ZMYND8: variants seen among roughly 807,000 people sequenced by gnomAD.
ZMYND8 encodes the protein MYND-type zinc finger-containing chromatin reader ZMYND8.
A neutral mutation model predicts 140.8 loss-of-function variants in ZMYND8; 37 were observed. That is an observed-to-expected ratio of 0.26 (90% CI 0.20 to 0.35). The LOEUF is 0.35. Ranked by LOEUF, ZMYND8 falls within the 10% of genes least tolerant of loss-of-function variation. ZMYND8 has a pLI of 1.00. For synonymous variants in ZMYND8, 592 were observed against 597.1 expected (o/e 0.99, Z 0.12); for missense variants, 1,068 against 1,570.0 (o/e 0.68, Z 5.40).
intron 3 of ZMYND8, among the ~76,000 whole-genome samples, chr20:47,300,884 T>TTGTGTGTGTGTGTGTG (rs200833449): frequency 1.1e-4 from 14 of 130,288 alleles, no homozygotes; most frequent in African/African-American, 3.7e-4. Flanking sequence ...ACAACTAATT[T>TTGTGTGTGTGTGTGTG]TGTGTGTGTG....
intron 2 of ZMYND8, among the ~76,000 whole-genome samples, chr20:47,340,061 G>A (rs561215620): frequency 3.7e-4 from 56 of 151,888 alleles, no homozygotes; most frequent in African/African-American, 1.4e-3. Flanking sequence ...CCCTGCCTCA[G>A]CCTCCTGAGT....
At position 47,236,520 on chromosome 20, in the gene ZMYND8, G is replaced by C; in HGVS notation, c.2666-4C>G. The C allele has an allele frequency of 1.3e-6, 2 of 1,555,308 alleles. No individual in the cohort carries two copies. The highest frequency in any genetic ancestry group is 2.5e-5 in the South Asian group (2 of 81,468). The stretch of plus-strand genomic sequence containing the variant: ...GTGATCTCCTTCTGCTGGACAGCTA[G>C]GAAGGCAAAGCATCCTGATTACCCC... On this transcript the variant is annotated splice_region_variant and splice_polypyrimidine_tract_variant and intron_variant, in intron 15 of 22. Transcript: ENST00000471951.
chr20:47,222,263 C>T (rs528481920), intron 19 of ZMYND8, among the ~76,000 whole-genome samples: 31 of 152,340 alleles, frequency 2.0e-4, no homozygotes, highest in East Asian at 3.9e-4. Flanking sequence ...GGGCCGGGTG[C>T]GGCGGCTCAT....
chr20:47,290,838 G>A (rs772744575), intron 6 of ZMYND8, among the ~76,000 whole-genome samples: 2 of 151,886 alleles, frequency 1.3e-5, no homozygotes, highest in Non-Finnish European at 2.9e-5. Flanking sequence ...TGATCCGCCC[G>A]CCTCAGCCTC....
chr20:47,321,523 A>G (rs2079950765), intron 2 of ZMYND8, among the ~76,000 whole-genome samples: 2 of 152,216 alleles, frequency 1.3e-5, no homozygotes, highest in Admixed American at 1.3e-4. Context: ...GGTAGAAAGA[A>G]ACTTCAGTGA....
At chr20:47,308,369 C>T (rs1338279947) in intron 3 of ZMYND8, among the ~76,000 whole-genome samples, 1 of 151,788 alleles carries the variant, frequency 6.6e-6, no homozygotes, top group African/African-American at 2.4e-5. Context: ...CAGGCATGTG[C>T]CACCACGCCC....
chr20:47,236,586 A>G, intron 15 of ZMYND8, 70 bp from the exon 16 acceptor site: 11 of 1,424,052 alleles, frequency 7.7e-6, no homozygotes, highest in Non-Finnish European at 1.0e-5. Context: ...TGTGGTGTAG[A>G]AGCAAAGCCC....
At chr20:47,283,805 C>A (rs992191359) in intron 8 of ZMYND8, among the ~76,000 whole-genome samples, 157 bp from the exon 9 acceptor site, 1 of 152,212 alleles carries the variant, frequency 6.6e-6, no homozygotes, top group Non-Finnish European at 1.5e-5. Context: ...GCTCCCAATG[C>A]TTCCACCCAG....
intron 7 of ZMYND8, among the ~76,000 whole-genome samples, 192 bp from the exon 8 acceptor site, chr20:47,287,476 CTT>C (rs1363171033): frequency 1.3e-5 from 2 of 152,190 alleles, no homozygotes; most frequent in African/African-American, 4.8e-5. Context: ...GTCGACGACT[CTT>C]TGGCGCCTCG....
chr20:47,285,505 G>A (rs1222384466), intron 8 of ZMYND8, among the ~76,000 whole-genome samples: 2 of 152,098 alleles, frequency 1.3e-5, no homozygotes, highest in Non-Finnish European at 2.9e-5. Flanking sequence ...GATGCCTACC[G>A]TTTTTACAGA....
At position 47,276,905 on chromosome 20, in the gene ZMYND8, T is replaced by TCCA; in HGVS notation, c.999-111_999-110insTGG. 3 of 901,574 alleles carry TCCA rather than the reference T, an allele frequency of 3.3e-6. No homozygotes were observed. In the African/African-American group the frequency reaches 5.6e-5, roughly 17 times the overall value. 55.8% of individuals were successfully genotyped at this position (901,574 alleles called of 1,614,324 possible). Reference sequence around the variant, plus strand: ...CAAGCATGTTTGCCAAGATTCTTATTCTATTAAAAAAAAAAAAAAAAAAAC... The same window carrying TCCA: ...CAAGCATGTTTGCCAAGATTCTTATTCCACTATTAAAAAAAAAAAAAAAAAAAC... On this transcript the variant is annotated intron_variant, in intron 10 of 22. Transcript: ENST00000471951.
intron 21 of ZMYND8, among the ~76,000 whole-genome samples, chr20:47,217,256 CA>C (rs56977748): frequency 0.074 from 11,246 of 152,228 alleles, 608 homozygotes; most frequent in South Asian, 0.18. Context: ...GAGCCACGCA[CA>C]AGTGCCATTA....
chr20:47,267,560 G>T (rs1034290074), intron 11 of ZMYND8, among the ~76,000 whole-genome samples: 1 of 151,794 alleles, frequency 6.6e-6, no homozygotes, highest in Non-Finnish European at 1.5e-5. Flanking sequence ...TGGAGACCCC[G>T]TAAGCACTTC....
intron 2 of ZMYND8, among the ~76,000 whole-genome samples, chr20:47,340,564 C>T (rs1019684736): frequency 2.6e-5 from 4 of 151,384 alleles, no homozygotes; most frequent in Non-Finnish European, 5.9e-5. Flanking sequence ...GAGGCTGAGG[C>T]GAGCAGATCA....
intron 2 of ZMYND8, among the ~76,000 whole-genome samples, chr20:47,337,282 G>T (rs2081460796): frequency 6.6e-6 from 1 of 152,130 alleles, no homozygotes; most frequent in Non-Finnish European, 1.5e-5. Flanking sequence ...AATCCAGGAG[G>T]CGGAGGCTGC....
chr20:47,276,883 G>T, intron 10 of ZMYND8, 88 bp from the exon 11 acceptor site: 7 of 1,073,820 alleles, frequency 6.5e-6, no homozygotes, highest in Non-Finnish European at 7.5e-6. Flanking sequence ...AATTAGCCAA[G>T]CATGTTTGCC....
At position 47,298,688 on chromosome 20, in the gene ZMYND8, G is replaced by A. The variant is rs201519156; in HGVS notation, c.453+41C>T. The A allele has an allele frequency of 1.3e-6, 2 of 1,578,136 alleles. No individual in the cohort carries two copies. Among genetic ancestry groups the A allele is most frequent in the East Asian group, 2.3e-5 (1 of 43,102 alleles). ...ATAAAAGGAAGAAAGAGAAAGGAGA[G>A]GAAACGAGGCAGGTAATGCATTCAT... On this transcript the variant is annotated intron_variant, in intron 4 of 22. Coordinates refer to ENST00000471951, the MANE Select transcript of ZMYND8 (RefSeq NM_001281775.3). The surrounding 1 kb of genome is among the most constrained non-coding windows in gnomAD (Gnocchi z 5.0).
chr20:47,221,915 C>T (rs2037014954), intron 19 of ZMYND8, among the ~76,000 whole-genome samples: 1 of 152,222 alleles, frequency 6.6e-6, no homozygotes, highest in African/African-American at 2.4e-5. Context: ...GATCCACCCA[C>T]CTCGGCCTCC....
intron 16 of ZMYND8, among the ~76,000 whole-genome samples, chr20:47,234,029 C>G (rs2038894195): frequency 6.6e-6 from 1 of 152,236 alleles, no homozygotes; most frequent in Non-Finnish European, 1.5e-5. Flanking sequence ...AAGCCTGTCA[C>G]TTCCATCTTG....
Sources: gnomAD v4.1 joint callset for allele counts (sites outside exome capture counted in the v4.1 genomes callset) on GRCh38, gnomAD v4.1.1 for gene constraint, Gnocchi (gnomAD v3.1) non-coding constraint, MANE v1.5 for transcripts, NCBI Gene and HGNC (gene_info 2026-07-23, HGNC 2026-07-21) for gene names.